Variants in SLC68A1 observed in about 807,000 individuals in gnomAD.
SLC68A1 encodes the protein solute carrier family 68 member 1, also known as major facilitator superfamily domain containing 13A.
At chr10:102,476,130 GT>G in the SLC68A1 span, 2 of 1,331,134 alleles carry the variant, frequency 1.5e-6, no homozygotes. Context: ...TGTTGCAGTG[GT>G]GCAATCTGGG....
At chr10:102,468,725 G>T in the SLC68A1 span, 7 of 284,138 alleles carry the variant, frequency 2.5e-5, no homozygotes, top group Non-Finnish European at 3.3e-5. Context: ...CTCAGCACTT[G>T]CTGGGTGTCT....
the SLC68A1 span, chr10:102,469,898 G>A: frequency 6.7e-7 from 1 of 1,498,510 alleles, no homozygotes; most frequent in Non-Finnish European, 8.9e-7. Context: ...GAAAGCTGGG[G>A]CCATCTTTCA....
At chr10:102,469,930 G>C in the SLC68A1 span, 16 of 1,574,906 alleles carry the variant, frequency 1.0e-5, no homozygotes, top group African/African-American at 1.3e-5. Flanking sequence ...CAGGCTGAGG[G>C]GGGAGGAGCC....
chr10:102,474,005 C>T, the SLC68A1 span: 51 of 1,601,566 alleles, frequency 3.2e-5, no homozygotes, highest in African/African-American at 4.8e-4. Context: ...TGCTCTGTTT[C>T]TACACAGGTG....
the SLC68A1 span, chr10:102,476,186 GC>G: frequency 2.2e-6 from 2 of 928,050 alleles, no homozygotes; most frequent in South Asian, 4.8e-5. Context: ...TCCTGCCTCA[GC>G]CTCCCGAGTA....
At chr10:102,466,340 G>T in the SLC68A1 span, among the ~76,000 whole-genome samples, 4 of 152,000 alleles carry the variant, frequency 2.6e-5, no homozygotes, top group East Asian at 5.8e-4. Context: ...AAAATAAGCT[G>T]GGCATGATGG....
chr10:102,470,938 C>G, the SLC68A1 span: 4 of 1,613,352 alleles, frequency 2.5e-6, no homozygotes, highest in African/African-American at 1.3e-5. Context: ...CCGGCTCCCT[C>G]TCTGTCTTTG....
chr10:102,473,604 C>T, the SLC68A1 span: 5 of 1,613,372 alleles, frequency 3.1e-6, no homozygotes, highest in Non-Finnish European at 4.2e-6. Context: ...TCAACAACCT[C>T]TACTTCCTGT....
chr10:102,475,877 C>G, the SLC68A1 span: 1 of 1,613,962 alleles, frequency 6.2e-7, no homozygotes, highest in East Asian at 2.2e-5. Flanking sequence ...TCTGCTGCAG[C>G]TCTTCACCTG....
At chr10:102,470,155 T>G in the SLC68A1 span, 7 of 1,337,410 alleles carry the variant, frequency 5.2e-6, no homozygotes, top group Non-Finnish European at 7.4e-6. Context: ...TGCCTGTGTT[T>G]GGGGTGGGGA....
chr10:102,465,093 A>G, the SLC68A1 span, among the ~76,000 whole-genome samples: 1 of 152,020 alleles, frequency 6.6e-6, no homozygotes, highest in Non-Finnish European at 1.5e-5. Flanking sequence ...TCTCTACTAA[A>G]TATACAAAAA....
At chr10:102,470,103 T>C in the SLC68A1 span, 1 of 1,604,294 alleles carries the variant, frequency 6.2e-7, no homozygotes, top group African/African-American at 1.3e-5. Context: ...AGCTCGTAAT[T>C]GGTTCAGTCC....
the SLC68A1 span, among the ~76,000 whole-genome samples, chr10:102,463,345 G>C: frequency 4.0e-3 from 613 of 152,156 alleles, 5 homozygotes; most frequent in African/African-American, 0.014. Flanking sequence ...GCTAATTTTT[G>C]TATTTTTAGT....
At chr10:102,469,374 C>T in the SLC68A1 span, among the ~76,000 whole-genome samples, 6 of 152,048 alleles carry the variant, frequency 3.9e-5, no homozygotes, top group Non-Finnish European at 7.4e-5. Flanking sequence ...GACTCCTCCT[C>T]GATGGGGACT....
chr10:102,470,522 T>G, the SLC68A1 span: 88 of 1,340,086 alleles, frequency 6.6e-5, no homozygotes, highest in South Asian at 1.2e-3. Flanking sequence ...AGTTGCAGAC[T>G]GGGGACTTAG....
the SLC68A1 span, among the ~76,000 whole-genome samples, chr10:102,470,277 G>A: frequency 6.6e-6 from 1 of 151,160 alleles, no homozygotes; most frequent in South Asian, 2.1e-4. Context: ...TGGCTCGGCA[G>A]GGGAAGAGAT....
the SLC68A1 span, chr10:102,473,472 C>G: frequency 0.025 from 31,478 of 1,235,516 alleles, 615 homozygotes; most frequent in Non-Finnish European, 0.028. Flanking sequence ...CCCAGTGCAT[C>G]GCTAGTGTAC....
chr10:102,475,894 G>C, the SLC68A1 span: 1 of 1,613,894 alleles, frequency 6.2e-7, no homozygotes, highest in Non-Finnish European at 8.5e-7. Context: ...CCTGGTCCCA[G>C]TTCACGCTGC....
At chr10:102,473,963 C>A in the SLC68A1 span, 1 of 1,612,188 alleles carries the variant, frequency 6.2e-7, no homozygotes. Context: ...CCAAGCCAGG[C>A]CAGACCTTTG....
Sources: gnomAD v4.1 joint callset for allele counts (sites outside exome capture counted in the v4.1 genomes callset) on GRCh38, gnomAD v4.1.1 for gene constraint, MANE v1.5 for transcripts, NCBI Gene and HGNC (gene_info 2026-07-23, HGNC 2026-07-21) for gene names.